DMBT1: variants seen among roughly 807,000 people sequenced by gnomAD.
The protein encoded by DMBT1 is deleted in malignant brain tumors 1, also known as scavenger receptor cysteine-rich domain-containing protein DMBT1.
DMBT1 carries 198 observed loss-of-function variants against 252.9 expected under a neutral mutation model. The ratio of observed to expected loss-of-function variants is 0.78; its 90% CI spans 0.70 to 0.88. DMBT1 has a LOEUF of 0.88. DMBT1 is among the 40% of genes least tolerant of loss of function. The probability of loss-of-function intolerance (pLI) is 0.00; values close to 1 mark genes in which losing one functional copy is unlikely to be tolerated. For missense variants in DMBT1, 2,432 were observed against 2,404.7 expected, an observed-to-expected ratio of 1.01 and a Z score of -0.24; for synonymous variants, 990 against 942.7, an observed-to-expected ratio of 1.05 and a Z score of -0.92.
chr10:122,633,539 G>A (rs1029240781), intron 52 of DMBT1, among the ~76,000 whole-genome samples, 198 bp downstream of exon 52: 1 of 152,218 alleles, frequency 6.6e-6, no homozygotes, highest in African/African-American at 2.4e-5. Flanking sequence ...CCCGTGGAGA[G>A]TTGGGGAGGG....
At chr10:122,563,194 C>A (rs977450511) in intron 1 of DMBT1, among the ~76,000 whole-genome samples, 3 of 152,212 alleles carry the variant, frequency 2.0e-5, no homozygotes, top group Non-Finnish European at 4.4e-5. Context: ...GTACCCACTG[C>A]TAGCCCCAGC....
At chr10:122,599,213 G>A in intron 26 of DMBT1, 116 bp downstream of exon 26, 1 of 1,546,730 alleles carries the variant, frequency 6.5e-7, no homozygotes, top group South Asian at 1.3e-5. Context: ...CTATATTTCT[G>A]AAGACTTGTT....
intron 55 of DMBT1, among the ~76,000 whole-genome samples, chr10:122,641,983 A>C (rs748481791): frequency 6.6e-6 from 1 of 152,100 alleles, no homozygotes; most frequent in Non-Finnish European, 1.5e-5. Context: ...AGTGATTCTG[A>C]GGTGGAGTCA....
At chr10:122,581,066 A>C (rs1020764184) in intron 11 of DMBT1, among the ~76,000 whole-genome samples, 171 bp downstream of exon 11, 1 of 148,288 alleles carries the variant, frequency 6.7e-6, no homozygotes, top group South Asian at 2.3e-4. Flanking sequence ...TTTTAAACAC[A>C]CACAGGATTG....
intron 20 of DMBT1, among the ~76,000 whole-genome samples, chr10:122,593,064 A>G (rs1442627149): frequency 6.7e-6 from 1 of 148,716 alleles, no homozygotes; most frequent in Admixed American, 6.7e-5. Flanking sequence ...TTAGGGGTGC[A>G]AATGGGTGTC....
intron 44 of DMBT1, 84 bp downstream of exon 44, chr10:122,621,464 C>T (rs1427932163): frequency 1.9e-6 from 3 of 1,585,180 alleles, no homozygotes; most frequent in East Asian, 4.5e-5. Flanking sequence ...GATCTCCTCA[C>T]TCAAAGCTTC....
In DMBT1 at chr10:122,579,762, G is replaced by C. The variant is rs2097750116; in HGVS notation, c.864G>C (p.Gln288His). Residue 288 changes from glutamine (Q) to histidine (H), a missense_variant, in exon 10 of 56, where the codon CAG becomes CAC. By Grantham distance (24) the Gln-to-His change is conservative. Around this residue, in one of 3 missense-constraint regions of DMBT1, gnomAD observed 1,264 missense variants for 1,082.2 expected, o/e 1.17. Transcript: ENST00000338354. ...CCATGTCAGCCCCAGGAAATGCCCAGTTTGGCCAGGGCTCAGGACCCATTG... is the reference window on the plus strand; with the variant it reads ...CCATGTCAGCCCCAGGAAATGCCCACTTTGGCCAGGGCTCAGGACCCATTG... ...GWAMSAPGNA[Q>H]FGQGSGPIVL... 2 of 1,613,846 alleles carry C rather than the reference G, an allele frequency of 1.2e-6. No homozygotes were observed. The highest frequency in any genetic ancestry group is 1.7e-6 in the Non-Finnish European group (2 of 1,179,768).
intron 6 of DMBT1, among the ~76,000 whole-genome samples, chr10:122,575,399 T>C (rs185026038): frequency 2.0e-5 from 3 of 152,332 alleles, no homozygotes; most frequent in Admixed American, 2.0e-4. Context: ...TTCTTGACTT[T>C]CCCAAATTTA....
At chr10:122,592,781 T>C (rs556630051) in intron 20 of DMBT1, among the ~76,000 whole-genome samples, 186 bp downstream of exon 20, 1 of 148,908 alleles carries the variant, frequency 6.7e-6, no homozygotes, top group African/African-American at 2.4e-5. Context: ...CTGTGGTCAC[T>C]TAGGACAGGC....
chr10:122,619,572 C>T (rs909362336), intron 42 of DMBT1, among the ~76,000 whole-genome samples: 2 of 152,230 alleles, frequency 1.3e-5, no homozygotes, highest in African/African-American at 2.4e-5. Context: ...TCATACTGTA[C>T]AATGGACAAG....
At chr10:122,617,995 G>A in intron 40 of DMBT1, 22 bp from the exon 41 acceptor site, 1 of 1,611,588 alleles carries the variant, frequency 6.2e-7, no homozygotes, top group East Asian at 2.2e-5. Context: ...GATGGATGAA[G>A]GGTTCTTGTG....
intron 55 of DMBT1, among the ~76,000 whole-genome samples, chr10:122,641,475 C>T (rs940167581): frequency 6.6e-6 from 1 of 152,194 alleles, no homozygotes; most frequent in Non-Finnish European, 1.5e-5. Context: ...CGTAGCACCT[C>T]TTTCCAGGCA....
intron 5 of DMBT1, 146 bp downstream of exon 5, chr10:122,572,507 T>G: frequency 8.8e-7 from 1 of 1,135,916 alleles, no homozygotes; most frequent in Non-Finnish European, 1.3e-6. Context: ...CCTTGTGCTG[T>G]GTATGTGCAA....
At chr10:122,580,391 G>A (rs577857747) in intron 10 of DMBT1, among the ~76,000 whole-genome samples, 19 of 152,344 alleles carry the variant, frequency 1.2e-4, no homozygotes, top group African/African-American at 4.3e-4. Flanking sequence ...GGCCTGGGTT[G>A]CGTGGGGTTG....
At chr10:122,590,565 G>A (rs2097841774) in intron 17 of DMBT1, 100 bp from the exon 18 acceptor site, 9 of 1,381,482 alleles carry the variant, frequency 6.5e-6, no homozygotes, top group Non-Finnish European at 9.2e-6. Flanking sequence ...TGGGGACATA[G>A]GGTGGACTGA....
chr10:122,630,814 C>A, intron 48 of DMBT1, 147 bp from the exon 49 acceptor site: 1 of 868,676 alleles, frequency 1.2e-6, no homozygotes, highest in Non-Finnish European at 1.7e-6. Flanking sequence ...ATGGAGCGGT[C>A]CAGTACCTCC....
chr10:122,569,851 C>T (rs1565557827), intron 2 of DMBT1, among the ~76,000 whole-genome samples: 1 of 152,140 alleles, frequency 6.6e-6, no homozygotes, highest in Non-Finnish European at 1.5e-5. Flanking sequence ...TAGATACAGC[C>T]AGTTGTCATT....
intron 16 of DMBT1, among the ~76,000 whole-genome samples, chr10:122,588,299 G>A (rs912753022): frequency 2.0e-5 from 3 of 147,874 alleles, no homozygotes; most frequent in Admixed American, 1.3e-4. Flanking sequence ...GGAGGAAGTT[G>A]GAGTCTCTGG....
In DMBT1 at chr10:122,631,861, A is replaced by G. The variant is rs1016233126; in HGVS notation, c.6353A>G (p.His2118Arg). 6 of 1,613,692 alleles carry G rather than the reference A, an allele frequency of 3.7e-6. No homozygotes were observed. Among genetic ancestry groups the G allele is most frequent in the African/African-American group, 2.7e-5 (2 of 74,912 alleles). ...EDAGVICSGNHLSTPAPFLNI... is the reference protein window; with the variant it reads ...EDAGVICSGNRLSTPAPFLNI... ...TTTTCTATTCCTTTTTCAGGAAACC[A>G]TCTATCGACACCTGGTAAGTCCCTC... Residue 2118 changes from histidine to arginine, a missense_variant, in exon 50 of 56, where the codon CAT (histidine) becomes CGT (arginine). Transcript: ENST00000338354.
Sources: allele counts gnomAD v4.1 joint callset (sites outside exome capture counted in the v4.1 genomes callset), GRCh38; gene constraint gnomAD v4.1.1; regional missense constraint gnomAD v4.1.1; transcripts MANE v1.5; gene names NCBI Gene and HGNC (gene_info 2026-07-23, HGNC 2026-07-21).